IQCH: variants seen among roughly 807,000 people sequenced by gnomAD.
The protein encoded by IQCH is IQ domain-containing protein H.
A neutral mutation model predicts 117.0 loss-of-function variants in IQCH; 98 were observed. The observed-to-expected ratio is 0.84, with a 90% CI of 0.71 to 0.99. The LOEUF (loss-of-function observed/expected upper bound fraction) is 0.99, where lower values mean the gene tolerates loss of function less well. Among genes scored for constraint, IQCH ranks in the 50% least tolerant of loss-of-function variants. IQCH has a pLI of 0.00. For missense variants in IQCH, 1,102 were observed against 1,243.8 expected (o/e 0.89, Z 1.72); for synonymous variants, 412 against 448.2 (o/e 0.92, Z 1.02).
rs138985024 is a variant in IQCH at position 67,481,925 on chromosome 15, G to C, written c.2799+6107G>C. Among the ~76,000 whole-genome samples, 106 of 152,298 alleles carry C rather than the reference G, an allele frequency of 7.0e-4. 3 individuals are homozygous for C. In the East Asian group the frequency reaches 0.016, roughly 23 times the overall value. On this transcript the variant is annotated intron_variant, in intron 18 of 20. Transcript: ENST00000335894. This position sits in a 1 kb window ranked among gnomAD's most constrained non-coding sequence, Gnocchi z 4.1. Reference sequence around the variant, plus strand: ...AACTATCTACAGGCAGGAAGTGGGTGAGAAAGTTTTAAAATTGCTAAGGAT... The same window carrying C: ...AACTATCTACAGGCAGGAAGTGGGTCAGAAAGTTTTAAAATTGCTAAGGAT...
chr15:67,260,686 A>G lies in IQCH; in HGVS notation c.52-586A>G, dbSNP rs115783649. 2.0e-3 allele frequency among the ~76,000 whole-genome samples: 298 copies of G among 152,342 alleles called. 1 individual carries two copies. The highest frequency in any genetic ancestry group is 6.6e-3 in the African/African-American group (274 of 41,580). On this transcript the variant is annotated intron_variant, in intron 1 of 20. Transcript: ENST00000335894. ...CTTACCACTTAAGAAAGTAGAAACTATTTGAGTTGCAGTGTTATCTTAAAT... is the reference window on the plus strand; with the variant it reads ...CTTACCACTTAAGAAAGTAGAAACTGTTTGAGTTGCAGTGTTATCTTAAAT...
chr15:67,419,962 G>A (rs1016385534), intron 15 of IQCH, among the ~76,000 whole-genome samples: 1 of 152,114 alleles, frequency 6.6e-6, no homozygotes, highest in African/African-American at 2.4e-5. Flanking sequence ...CATAGGTGAC[G>A]GCTAAAGGCA....
At chr15:67,464,833 T>C (rs1382415895) in intron 16 of IQCH, among the ~76,000 whole-genome samples, 1 of 152,198 alleles carries the variant, frequency 6.6e-6, no homozygotes, top group South Asian at 2.1e-4. Flanking sequence ...CTGCAGGCCA[T>C]AGGCAGAAAA....
chr15:67,420,688 A>C (rs899165940), intron 15 of IQCH, among the ~76,000 whole-genome samples: 6 of 152,352 alleles, frequency 3.9e-5, no homozygotes, highest in Non-Finnish European at 8.8e-5. Context: ...AATGTAATAA[A>C]TTATAAAGCT....
rs566109618 is a variant in IQCH at position 67,492,353 on chromosome 15, G to A, written c.2862-1905G>A. 1.7e-3 allele frequency among the ~76,000 whole-genome samples: 260 copies of A among 152,258 alleles called. 1 individual carries two copies. Among genetic ancestry groups the A allele is most frequent in the Admixed American group, 2.4e-3 (37 of 15,288 alleles). On this transcript the variant is annotated intron_variant, in intron 19 of 20. Transcript: ENST00000335894. Reference sequence around the variant, plus strand: ...AAAGATTAACTACAAAGGAGAAGCTGGGACACGACTGGAACCAGACAAACC... The same window carrying A: ...AAAGATTAACTACAAAGGAGAAGCTAGGACACGACTGGAACCAGACAAACC...
chr15:67,400,107 C>T lies in IQCH; in HGVS notation c.1906-7C>T, dbSNP rs766435379. ...TATTAAATGCAGCTGTGTCTTTGGC[C>T]TCACAGATGATAGAGCAGCTGAGTC... is the stretch of plus-strand genomic sequence containing the variant. On this transcript the variant is annotated splice_polypyrimidine_tract_variant and splice_region_variant and intron_variant, in intron 13 of 20. Coordinates refer to ENST00000335894, the MANE Select transcript of IQCH (RefSeq NM_001031715.3). 1.2e-6 allele frequency: 2 copies of T among 1,611,838 alleles called. No individual in the cohort carries two copies. Among genetic ancestry groups the T allele is most frequent in the South Asian group, 2.2e-5 (2 of 90,850 alleles).
At chr15:67,265,521 G>A (rs577556449) in intron 3 of IQCH, among the ~76,000 whole-genome samples, 1 of 152,288 alleles carries the variant, frequency 6.6e-6, no homozygotes, top group East Asian at 1.9e-4. Context: ...GGGCTAAAGT[G>A]GCATGCCATC....
intron 3 of IQCH, among the ~76,000 whole-genome samples, chr15:67,267,536 T>C (rs1196571681): frequency 1.3e-5 from 2 of 152,218 alleles, no homozygotes; most frequent in African/African-American, 2.4e-5. Context: ...CTATGAACGA[T>C]TGGAGTGCCT....
chr15:67,451,313 G>A (rs1306547989), intron 16 of IQCH, among the ~76,000 whole-genome samples: 1 of 151,976 alleles, frequency 6.6e-6, no homozygotes, highest in African/African-American at 2.4e-5. Flanking sequence ...TAATTGTGAT[G>A]TTAGGGTGTC....
rs938428787 is a variant in IQCH, at chr15:67,466,165, C to A, written c.2676+868C>A. 1.3e-5 allele frequency among the ~76,000 whole-genome samples: 2 copies of A among 152,180 alleles called. No individual in the cohort carries two copies. The highest frequency in any genetic ancestry group is 4.8e-5 in the African/African-American group (2 of 41,448). On this transcript the variant is annotated intron_variant, in intron 17 of 20. Coordinates refer to ENST00000335894, the MANE Select transcript of IQCH (RefSeq NM_001031715.3). This position sits in a 1 kb window ranked among gnomAD's most constrained non-coding sequence, Gnocchi z 4.4. ...GGGGGCTGGGGCCAGAGTCCTGGGG[C>A]TGGCTGCGGGTTACCAACCTCAGCA...
intron 3 of IQCH, among the ~76,000 whole-genome samples, chr15:67,266,333 G>A (rs1248088673): frequency 1.3e-5 from 2 of 151,888 alleles, no homozygotes; most frequent in African/African-American, 2.4e-5. Context: ...AATTATGATG[G>A]CTTTATACTG....
At chr15:67,276,808 G>GT (rs1259031014) in intron 3 of IQCH, among the ~76,000 whole-genome samples, 1 of 151,802 alleles carries the variant, frequency 6.6e-6, no homozygotes, top group Non-Finnish European at 1.5e-5. Context: ...GTTTTGTTTT[G>GT]TTTTTTGCAT....
intron 4 of IQCH, among the ~76,000 whole-genome samples, chr15:67,330,855 A>C (rs1968636436): frequency 6.6e-6 from 1 of 152,158 alleles, no homozygotes; most frequent in Admixed American, 6.5e-5. Context: ...GCCCTGATGG[A>C]GGATATTTCT....
intron 16 of IQCH, among the ~76,000 whole-genome samples, chr15:67,429,672 G>T (rs1015701360): frequency 6.6e-5 from 10 of 152,196 alleles, no homozygotes; most frequent in Non-Finnish European, 1.3e-4. Flanking sequence ...TAAGACATGG[G>T]AAACAGAAAA....
At chr15:67,434,350 G>A (rs1347802565) in intron 16 of IQCH, among the ~76,000 whole-genome samples, 2 of 151,980 alleles carry the variant, frequency 1.3e-5, no homozygotes, top group African/African-American at 4.8e-5. Flanking sequence ...TCTGTGTCTG[G>A]CTTATTTCAC....
rs1971430061 is a variant in IQCH, at chr15:67,395,387, A to G, written c.1729A>G (p.Ser577Gly). Residue 577 changes from serine to glycine, a missense_variant, in exon 13 of 21, where the codon AGC becomes GGC. Ser to Gly is a moderately conservative substitution (Grantham distance 56). Coordinates refer to ENST00000335894, the MANE Select transcript of IQCH (RefSeq NM_001031715.3). This position sits in a 1 kb window ranked among gnomAD's most constrained non-coding sequence, Gnocchi z 4.0. ...CCGAGGAACAGAGGCCTACATCGTC[A>G]GCGGGCTCCTCCACAGAGATGATTT... ...LIRGTEAYIV[S>G]GLLHRDDLAV... 1 of 1,614,018 alleles carries G rather than the reference A, an allele frequency of 6.2e-7. No individual in the cohort carries two copies. Among genetic ancestry groups the G allele is most frequent in the Non-Finnish European group, 8.5e-7 (1 of 1,180,004 alleles).
At chr15:67,338,050 T>C (rs1488769137) in intron 5 of IQCH, among the ~76,000 whole-genome samples, 1 of 152,204 alleles carries the variant, frequency 6.6e-6, no homozygotes, top group Non-Finnish European at 1.5e-5. Flanking sequence ...GACATATGCT[T>C]TCTAGTTAGC....
chr15:67,350,074 A>T (rs999836171), intron 6 of IQCH, among the ~76,000 whole-genome samples: 5 of 152,248 alleles, frequency 3.3e-5, no homozygotes, highest in African/African-American at 1.2e-4. Context: ...CTGTATATGA[A>T]GGTTTGTAAT....
rs929543654 is a variant in IQCH at position 67,425,558 on chromosome 15, G to T, written c.2505+3981G>T. ...ACCCAGGAGGTGGAGGTTGCAGTGAGCCAAGATCGCGCCACTGCACTCCAG... is the reference window on the plus strand; with the variant it reads ...ACCCAGGAGGTGGAGGTTGCAGTGATCCAAGATCGCGCCACTGCACTCCAG... On this transcript the variant is annotated intron_variant, in intron 16 of 20. Coordinates refer to ENST00000335894, the MANE Select transcript of IQCH (RefSeq NM_001031715.3). The surrounding 1 kb of genome is among the most constrained non-coding windows in gnomAD (Gnocchi z 5.5). 6.6e-6 allele frequency among the ~76,000 whole-genome samples: 1 copy of T among 152,184 alleles called. No individual in the cohort carries two copies. Among genetic ancestry groups the T allele is most frequent in the Non-Finnish European group, 1.5e-5 (1 of 68,030 alleles).
Sources: gnomAD v4.1 joint callset for allele counts (sites outside exome capture counted in the v4.1 genomes callset) on GRCh38, gnomAD v4.1.1 for gene constraint, Gnocchi (gnomAD v3.1) non-coding constraint, MANE v1.5 for transcripts, NCBI Gene and HGNC (gene_info 2026-07-23, HGNC 2026-07-21) for gene names.